Variants in TCF4 observed in about 807,000 individuals in gnomAD.
TCF4 encodes the protein SL3-3 enhancer factor 2.
TCF4 carries 3 observed loss-of-function variants against 82.1 expected under a neutral mutation model. The ratio of observed to expected loss-of-function variants is 0.04; its 90% CI spans 0.02 to 0.09. The LOEUF is 0.09. TCF4 is among the 10% of genes least tolerant of loss of function. The pLI, the probability that TCF4 is intolerant of heterozygous loss-of-function variation, is 1.00. For synonymous variants in TCF4, 276 were observed against 309.6 expected, an observed-to-expected ratio of 0.89 and a Z score of 1.14; for missense variants, 518 against 852.7, an observed-to-expected ratio of 0.61 and a Z score of 4.89.
intron 8 of TCF4, among the ~76,000 whole-genome samples, chr18:55,346,802 T>A (rs1166961962): frequency 6.6e-6 from 1 of 152,194 alleles, no homozygotes; most frequent in Non-Finnish European, 1.5e-5. Flanking sequence ...TTCCAAAAGA[T>A]AATGCCTTTG....
chr18:55,409,101 T>C (rs17089789), intron 5 of TCF4, among the ~76,000 whole-genome samples: 14,205 of 152,200 alleles, frequency 0.093, 1,361 homozygotes, highest in African/African-American at 0.24. Flanking sequence ...GAAAACTGCA[T>C]TTCTACACCT....
At chr18:55,443,674 C>G (rs911447883) in intron 5 of TCF4, among the ~76,000 whole-genome samples, 1 of 152,172 alleles carries the variant, frequency 6.6e-6, no homozygotes, top group Non-Finnish European at 1.5e-5. Flanking sequence ...AACTCAAAAT[C>G]AAGAACCACA....
chr18:55,408,932 G>A (rs1334000505), intron 5 of TCF4, among the ~76,000 whole-genome samples: 1 of 152,116 alleles, frequency 6.6e-6, no homozygotes, highest in Non-Finnish European at 1.5e-5. Flanking sequence ...TGTCTTATAG[G>A]CAATGATAAT....
At chr18:55,541,606 A>G (rs890437937) in intron 3 of TCF4, among the ~76,000 whole-genome samples, 3 of 151,990 alleles carry the variant, frequency 2.0e-5, no homozygotes, top group Non-Finnish European at 4.4e-5. Context: ...CAGTTAAATA[A>G]TTTACAATAA....
intron 5 of TCF4, among the ~76,000 whole-genome samples, chr18:55,405,030 TAGA>T (rs1480431756): frequency 6.6e-6 from 1 of 152,262 alleles, no homozygotes; most frequent in African/African-American, 2.4e-5. Context: ...CTGTCAGTCT[TAGA>T]AGATCTAACA....
At chr18:55,397,100 G>A (rs889199921) in intron 6 of TCF4, among the ~76,000 whole-genome samples, 2 of 152,196 alleles carry the variant, frequency 1.3e-5, no homozygotes, top group African/African-American at 4.8e-5. Context: ...AAGACTATTT[G>A]TTAATTGCAG....
At chr18:55,504,047 C>A (rs1191504929) in intron 3 of TCF4, among the ~76,000 whole-genome samples, 6 of 152,160 alleles carry the variant, frequency 3.9e-5, no homozygotes, top group Non-Finnish European at 7.4e-5. Context: ...CCAGCCTGGG[C>A]AACAGACTCT....
intron 3 of TCF4, among the ~76,000 whole-genome samples, chr18:55,507,464 A>G (rs1277322707): frequency 2.0e-5 from 3 of 151,724 alleles, no homozygotes; most frequent in Non-Finnish European, 4.4e-5. Flanking sequence ...AGAACTTAGG[A>G]GTTATTTCTG....
At chr18:55,449,253 T>C (rs750052682) in intron 5 of TCF4, among the ~76,000 whole-genome samples, 1 of 152,192 alleles carries the variant, frequency 6.6e-6, no homozygotes, top group Non-Finnish European at 1.5e-5. Context: ...CATCCACAGC[T>C]ACTGAGGCGG....
At chr18:55,235,745 A>G (rs937633349) in intron 15 of TCF4, among the ~76,000 whole-genome samples, 7 of 152,206 alleles carry the variant, frequency 4.6e-5, no homozygotes, top group Admixed American at 4.6e-4. Flanking sequence ...GTGAGCATTT[A>G]CACAGGACGG....
At chr18:55,469,186 G>A (rs1221753984) in intron 3 of TCF4, among the ~76,000 whole-genome samples, 10 of 152,212 alleles carry the variant, frequency 6.6e-5, no homozygotes, top group South Asian at 4.2e-4. Context: ...CACATTGGTC[G>A]GGTGCAATGG....
intron 5 of TCF4, among the ~76,000 whole-genome samples, chr18:55,457,563 G>A (rs1019450840): frequency 6.6e-6 from 1 of 152,104 alleles, no homozygotes; most frequent in Non-Finnish European, 1.5e-5. Flanking sequence ...TCAGCCCACT[G>A]CAACCTCCGC....
intron 3 of TCF4, among the ~76,000 whole-genome samples, chr18:55,502,112 TTC>T (rs2096708696): frequency 2.6e-5 from 4 of 152,216 alleles, no homozygotes; most frequent in Admixed American, 2.6e-4. Flanking sequence ...ATGACAGGTT[TTC>T]TCTCTCTTTT....
At chr18:55,457,052 C>T (rs553268978) in intron 5 of TCF4, among the ~76,000 whole-genome samples, 6 of 152,268 alleles carry the variant, frequency 3.9e-5, no homozygotes, top group South Asian at 2.1e-4. Context: ...ATGAAAGCAA[C>T]GAGTGAGTTC....
At position 55,633,767 on chromosome 18, in the gene TCF4, A is replaced by C. The variant is rs2097733606; in HGVS notation, c.195+1936T>G. On this transcript the variant is annotated intron_variant, in intron 1 of 20. Coordinates refer to the TCF4 transcript ENST00000398339. The surrounding 1 kb of genome is among the most constrained non-coding windows in gnomAD (Gnocchi z 4.0). The stretch of plus-strand genomic sequence containing the variant: ...ACTTAATGACAATACTTAAATGAAT[A>C]GGTATGTCTCGGTTAAGCCCAAAGT... Among the ~76,000 whole-genome samples the C allele has an allele frequency of 6.6e-6, 1 of 152,152 alleles. No homozygotes were observed. The highest frequency in any genetic ancestry group is 1.5e-5 in the Non-Finnish European group (1 of 68,036).
Position 55,418,321 on chromosome 18 carries a change from T to C in TCF4, c.305-14803A>G, listed in dbSNP as rs114085357. 7.6e-3 allele frequency among the ~76,000 whole-genome samples: 1,150 copies of C among 152,252 alleles called. 21 individuals carry two copies. Among genetic ancestry groups the C allele is most frequent in the African/African-American group, 0.026 (1,085 of 41,562 alleles). Reference sequence around the variant, plus strand: ...TTTATAAGAATGAGTCATTTTGCTTTATGTTGAAACTTATGAACACATTTT... The same window carrying C: ...TTTATAAGAATGAGTCATTTTGCTTCATGTTGAAACTTATGAACACATTTT... On this transcript the variant is annotated intron_variant, in intron 5 of 19. Transcript: ENST00000354452.
chr18:55,351,746 A>G (rs1269833137), intron 6 of TCF4: 2 of 628,018 alleles, frequency 3.2e-6, no homozygotes, highest in Non-Finnish European at 4.0e-6. Flanking sequence ...TGATGACATC[A>G]GAAAGATTAT....
In TCF4 at chr18:55,279,557, T is replaced by A. The variant is rs768573052; in HGVS notation, c.649A>T (p.Met217Leu). 5.0e-6 allele frequency: 8 copies of A among 1,613,748 alleles called. No homozygotes were observed. The highest frequency in any genetic ancestry group is 6.8e-6 in the Non-Finnish European group (8 of 1,179,858). The change falls in exon 9 of 20, where the codon ATG becomes TTG. Residue 217 changes from methionine to leucine, a missense_variant. Physicochemically the swap from Met to Leu is conservative, Grantham distance 15. Around this residue, in one of 7 missense-constraint regions of TCF4, gnomAD observed 211 missense variants for 327.4 expected, o/e 0.64. Coordinates refer to ENST00000354452, the MANE Select transcript of TCF4 (RefSeq NM_001083962.2). ...ATSTFPSSFF[M>L]QDGHHSSDPW... ...AGAAGCAGCAGCATCTTACCTTGCA[T>A]GAAGAAGGAGCTAGGGAAAGTGCTG...
chr18:55,277,510 A>G (rs192007675), intron 9 of TCF4, among the ~76,000 whole-genome samples: 4 of 152,302 alleles, frequency 2.6e-5, no homozygotes, highest in East Asian at 1.9e-4. Context: ...AATATTTATC[A>G]CATCCCATGA....
Sources: allele counts gnomAD v4.1 joint callset (sites outside exome capture counted in the v4.1 genomes callset), GRCh38; gene constraint gnomAD v4.1.1; regional missense constraint gnomAD v4.1.1; non-coding constraint Gnocchi (gnomAD v3.1); transcripts MANE v1.5; gene names NCBI Gene and HGNC (gene_info 2026-07-23, HGNC 2026-07-21).